The following ENTPD4 variants were observed in gnomAD, a reference collection of about 807,000 sequenced individuals.
ENTPD4 encodes ectonucleoside triphosphate diphosphohydrolase 4.
In ENTPD4, 60 loss-of-function variants were observed where a neutral mutation model predicts 79.1. That is an observed-to-expected ratio of 0.76 (90% CI 0.62 to 0.94). The LOEUF is 0.94. Among genes scored for constraint, ENTPD4 ranks in the 40% least tolerant of loss-of-function variants. The pLI is 0.00. For missense variants in ENTPD4, 772 were observed against 775.1 expected (o/e 1.00, Z 0.05); for synonymous variants, 276 against 292.0 (o/e 0.95, Z 0.56).
chr8:23,441,690 C>T lies in ENTPD4; in HGVS notation c.761G>A (p.Gly254Glu), dbSNP rs1471044794. 5.0e-6 allele frequency: 8 copies of T among 1,614,002 alleles called. No homozygotes were observed. Among genetic ancestry groups the T allele is most frequent in the East Asian group, 2.2e-5 (1 of 44,890 alleles). ...GACAATGGCTTCGCTGCTTTCACTT[C>T]CAGGAATGTTAACTTCCACAACGGC... ...DEAVVEVNIPGSESSEAIVRK... is the reference protein window; with the variant it reads ...DEAVVEVNIPESESSEAIVRK... The change falls in exon 8 of 13, where the codon GGA becomes GAA. Residue 254 changes from glycine (G) to glutamate (E), a missense_variant. Transcript: ENST00000358689.
Position 23,457,647 on chromosome 8 carries a change from T to C in ENTPD4, c.-188A>G, listed in dbSNP as rs540845606. On this transcript the variant is annotated 5_prime_UTR_variant, in exon 1 of 13. Transcript: ENST00000358689. Reference sequence around the variant, plus strand: ...CTTCCTGGAGGCCGCGCTCCTTTCCTGGAGCCGCACCCCCGCCCGGCCCCC... The same window carrying C: ...CTTCCTGGAGGCCGCGCTCCTTTCCCGGAGCCGCACCCCCGCCCGGCCCCC... 1 of 151,694 alleles carries C rather than the reference T, an allele frequency of 6.6e-6. No individual in the cohort carries two copies. The highest frequency in any genetic ancestry group is 1.5e-5 in the Non-Finnish European group (1 of 67,852). The allele number at this position is 151,694 out of a possible 1,614,324, so 9.4% of individuals were successfully genotyped here.
rs541195291 is a variant in ENTPD4, at chr8:23,430,640, G to C, written c.*2286C>G. 7 of 985,388 alleles carry C rather than the reference G, an allele frequency of 7.1e-6. No homozygotes were observed. Among genetic ancestry groups the C allele is most frequent in the South Asian group, 4.7e-5 (1 of 21,284 alleles). 61.0% of individuals were successfully genotyped at this position (985,388 alleles called of 1,614,324 possible). A position where few individuals can be genotyped will look rare whatever the true frequency, so the allele number is the denominator to read the frequency against. On this transcript the variant is annotated 3_prime_UTR_variant, in exon 13 of 13. Transcript: ENST00000358689. Reference sequence around the variant, plus strand: ...CAAATCCACTACTACCTCTCAGCTGGAGCAATGAGGTTTTCTCAGCCCTTG... The same window carrying C: ...CAAATCCACTACTACCTCTCAGCTGCAGCAATGAGGTTTTCTCAGCCCTTG...
chr8:23,432,883 A>G lies in ENTPD4; in HGVS notation c.*43T>C. On this transcript the variant is annotated 3_prime_UTR_variant, in exon 13 of 13. Coordinates refer to ENST00000358689, the MANE Select transcript of ENTPD4 (RefSeq NM_004901.5). ...ATAAAGAGGAGAAACCCTGAGGCAA[A>G]AATGGCTTTTCCTTTTGAGTCTTCG... The G allele has an allele frequency of 6.6e-7, 1 of 1,505,820 alleles. No homozygotes were observed. The highest frequency in any genetic ancestry group is 8.9e-7 in the Non-Finnish European group (1 of 1,123,180). 93.3% of individuals were successfully genotyped at this position (1,505,820 alleles called of 1,614,324 possible). A position where few individuals can be genotyped will look rare whatever the true frequency, so the allele number is the denominator to read the frequency against.
chr8:23,440,919 G>A (rs538354720), intron 8 of ENTPD4, among the ~76,000 whole-genome samples: 10 of 152,288 alleles, frequency 6.6e-5, no homozygotes, highest in South Asian at 2.1e-4. Context: ...ACCGTCCCCC[G>A]CCGGCCACGC....
At chr8:23,444,382 A>C (rs1166715908) in intron 5 of ENTPD4, 74 bp downstream of exon 5, 9 of 1,267,940 alleles carry the variant, frequency 7.1e-6, no homozygotes, top group Non-Finnish European at 1.0e-5. Flanking sequence ...GAGGAGAAGG[A>C]GGAAGGGGGA....
At position 23,457,641 on chromosome 8, in the gene ENTPD4, C is replaced by T. The variant is rs938576835; in HGVS notation, c.-182G>A. On this transcript the variant is annotated 5_prime_UTR_variant, in exon 1 of 13. Coordinates refer to ENST00000358689, the MANE Select transcript of ENTPD4 (RefSeq NM_004901.5). ...AGCCGGCTTCCTGGAGGCCGCGCTC[C>T]TTTCCTGGAGCCGCACCCCCGCCCG... 1 of 151,814 alleles carries T rather than the reference C, an allele frequency of 6.6e-6. No individual in the cohort carries two copies. The highest frequency in any genetic ancestry group is 2.4e-5 in the African/African-American group (1 of 41,390). 9.4% of individuals were successfully genotyped at this position (151,814 alleles called of 1,614,324 possible).
In ENTPD4 at chr8:23,429,683, G is replaced by GA. The variant is rs924894187; in HGVS notation, c.*3242dup. 266 of 985,410 alleles carry GA rather than the reference G, an allele frequency of 2.7e-4. 1 individual carries two copies. The African/African-American group carries it at 4.5e-3, about 17-fold the overall frequency. The allele number at this position is 985,410 out of a possible 1,614,324, so 61.0% of individuals were successfully genotyped here. A position where few individuals can be genotyped will look rare whatever the true frequency, so the allele number is the denominator to read the frequency against. On this transcript the variant is annotated 3_prime_UTR_variant, in exon 13 of 13. Transcript: ENST00000358689. Reference sequence around the variant, plus strand: ...TGTTAATCTAGAGTACACAGATGTGGAAAACTGGTGGTGAAAAGAGGGACC... The same window carrying GA: ...TGTTAATCTAGAGTACACAGATGTGGAAAAACTGGTGGTGAAAAGAGGGACC...
chr8:23,452,187 C>T (rs1046952617), intron 1 of ENTPD4, among the ~76,000 whole-genome samples: 5 of 152,114 alleles, frequency 3.3e-5, no homozygotes, highest in African/African-American at 1.2e-4. Flanking sequence ...TTTGTCTCTT[C>T]CCCCAGAATG....
chr8:23,443,156 A>G (rs771885784), intron 6 of ENTPD4, among the ~76,000 whole-genome samples: 1 of 137,412 alleles, frequency 7.3e-6, no homozygotes, highest in East Asian at 2.2e-4. Context: ...TTTCTCCATC[A>G]TGGCCCTAGC....
intron 1 of ENTPD4, among the ~76,000 whole-genome samples, chr8:23,454,986 T>C (rs1009213904): frequency 6.6e-6 from 1 of 152,184 alleles, no homozygotes; most frequent in Non-Finnish European, 1.5e-5. Flanking sequence ...AACTGACATG[T>C]TTTAAAAAAG....
At chr8:23,443,816 TC>T (rs1349253884) in intron 6 of ENTPD4, 33 bp downstream of exon 6, 14 of 1,330,692 alleles carry the variant, frequency 1.1e-5, no homozygotes, top group Non-Finnish European at 1.4e-5. Flanking sequence ...AGGAACAGCT[TC>T]CCAAATTTTA....
At chr8:23,451,613 A>T (rs1800863378) in intron 1 of ENTPD4, among the ~76,000 whole-genome samples, 1 of 152,178 alleles carries the variant, frequency 6.6e-6, no homozygotes, top group Admixed American at 6.5e-5. Context: ...AAAGCCCTAC[A>T]GGATCTAACA....
intron 1 of ENTPD4, among the ~76,000 whole-genome samples, chr8:23,456,775 T>C (rs1467726585): frequency 6.6e-6 from 1 of 152,256 alleles, no homozygotes; most frequent in Admixed American, 6.5e-5. Context: ...TAATTTGGTA[T>C]TTTCATCACA....
Position 23,432,590 on chromosome 8 carries a change from C to G in ENTPD4, c.*336G>C. ...CTCGGCTCACTGCAAGCTCTGCCTC[C>G]CAGGTTCATGCCATTCTCCTGCCTC... is the stretch of plus-strand genomic sequence containing the variant. On this transcript the variant is annotated 3_prime_UTR_variant, in exon 13 of 13. Transcript: ENST00000358689. 1.4e-6 allele frequency: 1 copy of G among 705,114 alleles called. No homozygotes were observed. The highest frequency in any genetic ancestry group is 1.8e-6 in the Non-Finnish European group (1 of 562,144). The allele number at this position is 705,114 out of a possible 1,614,324, so 43.7% of individuals were successfully genotyped here.
At chr8:23,447,631 A>T in intron 4 of ENTPD4, 49 bp downstream of exon 4, 2 of 1,434,268 alleles carry the variant, frequency 1.4e-6, no homozygotes, top group Non-Finnish European at 2.0e-6. Flanking sequence ...CGCCACAGAG[A>T]ATGAAGGTAC....
At chr8:23,434,190 C>T in intron 12 of ENTPD4, 127 bp downstream of exon 12, 4 of 1,259,912 alleles carry the variant, frequency 3.2e-6, no homozygotes, top group Non-Finnish European at 4.5e-6. Flanking sequence ...CGTCACTGTC[C>T]CTACAATTCT....
intron 1 of ENTPD4, among the ~76,000 whole-genome samples, chr8:23,454,290 T>C (rs547730322): frequency 2.0e-5 from 3 of 151,936 alleles, no homozygotes; most frequent in African/African-American, 4.8e-5. Context: ...AAAACATCAG[T>C]GATAGTTGTG....
chr8:23,439,598 C>T, intron 9 of ENTPD4, 151 bp downstream of exon 9: 2 of 730,928 alleles, frequency 2.7e-6, no homozygotes, highest in East Asian at 2.7e-5. Context: ...GTGCTTTCAT[C>T]TCTTCTCCCT....
chr8:23,437,124 C>A lies in ENTPD4; in HGVS notation c.1184G>T (p.Cys395Phe). The A allele has an allele frequency of 6.2e-7, 1 of 1,614,178 alleles. No individual in the cohort carries two copies. The highest frequency in any genetic ancestry group is 8.5e-7 in the Non-Finnish European group (1 of 1,180,012). ...CATGAAAGGCTGGATAGTCTCTCGA[C>A]ACAGGTCAAAGTCTCCAGTCCCTCG... The part of the protein sequence containing the change: ...YLRGTGDFDL[C>F]RETIQPFMNK... Residue 395 changes from cysteine to phenylalanine, a missense_variant, in exon 10 of 13, where the codon TGT becomes TTT. Cys to Phe is a radical substitution (Grantham distance 205, BLOSUM62 -2). Transcript: ENST00000358689.
Sources: allele counts gnomAD v4.1 joint callset (sites outside exome capture counted in the v4.1 genomes callset), GRCh38; gene constraint gnomAD v4.1.1; transcripts MANE v1.5; gene names NCBI Gene and HGNC (gene_info 2026-07-23, HGNC 2026-07-21).